Variants in TRAPPC12 observed in about 807,000 individuals in gnomAD.
TRAPPC12 encodes TPR repeat protein 15.
TRAPPC12 carries 61 observed loss-of-function variants against 69.2 expected under a neutral mutation model. That is an observed-to-expected ratio of 0.88 (90% CI 0.72 to 1.09). The LOEUF is 1.09. Among genes scored for constraint, TRAPPC12 ranks in the 50% least tolerant of loss-of-function variants. The probability of loss-of-function intolerance (pLI) is 0.00; values close to 1 mark genes in which losing one functional copy is unlikely to be tolerated. For synonymous variants in TRAPPC12, 469 were observed against 438.9 expected, an observed-to-expected ratio of 1.07 and a Z score of -0.86; for missense variants, 1,101 against 1,016.4, an observed-to-expected ratio of 1.08 and a Z score of -1.13.
At chr2:3,457,063 G>A (rs1009298436) in intron 6 of TRAPPC12, 1 of 462,100 alleles carries the variant, frequency 2.2e-6, no homozygotes, top group Non-Finnish European at 4.4e-6. Flanking sequence ...TGTCCCTGTG[G>A]GCGAACGGGA....
At chr2:3,427,661 T>G (rs1663184819) in intron 5 of TRAPPC12, among the ~76,000 whole-genome samples, 1 of 152,170 alleles carries the variant, frequency 6.6e-6, no homozygotes. Context: ...GCCGTGAAGA[T>G]CTCAAGATCT....
At chr2:3,433,700 G>A (rs1388668392) in intron 5 of TRAPPC12, among the ~76,000 whole-genome samples, 2 of 152,166 alleles carry the variant, frequency 1.3e-5, no homozygotes, top group African/African-American at 2.4e-5. Flanking sequence ...GCACAACAAG[G>A]GACGGTCTGA....
intron 5 of TRAPPC12, among the ~76,000 whole-genome samples, chr2:3,436,907 C>T (rs1369020268): frequency 7.5e-6 from 1 of 132,844 alleles, no homozygotes; most frequent in African/African-American, 2.9e-5. Flanking sequence ...ATCTCCCCAC[C>T]ACCCCTGGAT....
chr2:3,382,849 CAGA>C (rs1228031156), intron 1 of TRAPPC12, among the ~76,000 whole-genome samples: 2 of 152,178 alleles, frequency 1.3e-5, no homozygotes, highest in East Asian at 3.9e-4. Context: ...GGCTTGAGCC[CAGA>C]AGATCGAGGC....
chr2:3,397,469 G>C (rs1360603168), intron 2 of TRAPPC12, among the ~76,000 whole-genome samples: 2 of 152,180 alleles, frequency 1.3e-5, no homozygotes, highest in Non-Finnish European at 2.9e-5. Context: ...CTCTGGGCTT[G>C]TCAGCTCACA....
chr2:3,467,239 G>A (rs112362205), intron 9 of TRAPPC12, among the ~76,000 whole-genome samples: 1 of 152,278 alleles, frequency 6.6e-6, no homozygotes, highest in African/African-American at 2.4e-5. Context: ...AGGTGATAGC[G>A]GCGCTGTGGG....
chr2:3,479,050 A>T (rs1666427427), intron 11 of TRAPPC12, 117 bp downstream of exon 11: 2 of 1,478,786 alleles, frequency 1.4e-6, no homozygotes, highest in South Asian at 1.2e-5. Context: ...CACCAGCTCC[A>T]GGCAGTGGCT....
intron 2 of TRAPPC12, among the ~76,000 whole-genome samples, chr2:3,392,964 T>C (rs913891225): frequency 1.3e-5 from 2 of 152,100 alleles, no homozygotes; most frequent in Non-Finnish European, 2.9e-5. Context: ...CAGAGAAAAT[T>C]TGGTATGTAG....
At position 3,421,992 on chromosome 2, in the gene TRAPPC12, C is replaced by T. The variant is rs1444532392; in HGVS notation, c.1276C>T (p.Gln426Ter). 1 of 1,609,694 alleles carries T rather than the reference C, an allele frequency of 6.2e-7. No individual in the cohort carries two copies. Among genetic ancestry groups the T allele is most frequent in the Non-Finnish European group, 8.5e-7 (1 of 1,177,960 alleles). ...CACCAGCCACACGACAGATTCACTG[C>T]AGGTGAGAACACCTTTCAGGTGCTG... ...LLTSHTTDSLQLWFVRLALLV... is the reference protein window; with the variant it reads ...LLTSHTTDSL The change falls in exon 4 of 12, where the codon CAG becomes TAG. Residue 426 changes from glutamine to a stop codon, truncating the protein, a stop_gained and splice_region_variant. Coordinates refer to ENST00000324266, the MANE Select transcript of TRAPPC12 (RefSeq NM_016030.6). LOFTEE classifies it high-confidence loss of function.
rs116795388 is a variant in TRAPPC12 at position 3,471,875 on chromosome 2, C to T, written c.1777-5820C>T. ...TTGGACTGGGAAAGTAGCTGTGGTG[C>T]GCAGGTGCAAGTCCAGCAGCCAAGC... is the stretch of plus-strand genomic sequence containing the variant. On this transcript the variant is annotated intron_variant, in intron 9 of 11. Transcript: ENST00000324266. Among the ~76,000 whole-genome samples the T allele has an allele frequency of 5.8e-3, 885 of 152,088 alleles. 11 individuals carry two copies. Among genetic ancestry groups the T allele is most frequent in the African/African-American group, 0.02 (845 of 41,446 alleles).
At chr2:3,426,627 G>A (rs992165434) in intron 5 of TRAPPC12, among the ~76,000 whole-genome samples, 2 of 152,252 alleles carry the variant, frequency 1.3e-5, no homozygotes, top group Non-Finnish European at 2.9e-5. Context: ...TCTGTCCCCA[G>A]GAGTCTGGCT....
intron 5 of TRAPPC12, among the ~76,000 whole-genome samples, chr2:3,430,333 C>T (rs1483875289): frequency 6.6e-6 from 1 of 152,220 alleles, no homozygotes; most frequent in Non-Finnish European, 1.5e-5. Flanking sequence ...CCAGCCACAG[C>T]CTGTCAGTTT....
chr2:3,450,328 A>G (rs1026035399), intron 6 of TRAPPC12, among the ~76,000 whole-genome samples: 1 of 152,180 alleles, frequency 6.6e-6, no homozygotes, highest in Non-Finnish European at 1.5e-5. Flanking sequence ...TGTTCTGTCA[A>G]TCTGTGATCT....
chr2:3,433,680 C>T (rs565635209), intron 5 of TRAPPC12, among the ~76,000 whole-genome samples: 9 of 152,290 alleles, frequency 5.9e-5, no homozygotes, highest in East Asian at 1.9e-4. Flanking sequence ...AGTGGCAGCA[C>T]GGATTTTCAG....
At chr2:3,443,701 G>A (rs536317916) in intron 5 of TRAPPC12, 78 bp from the exon 6 acceptor site, 19 of 1,062,486 alleles carry the variant, frequency 1.8e-5, no homozygotes, top group Middle Eastern at 2.0e-4. Flanking sequence ...CATCTGCGAC[G>A]CCTCCTTCAA....
chr2:3,447,053 G>C (rs987299706), intron 6 of TRAPPC12, among the ~76,000 whole-genome samples: 8 of 151,896 alleles, frequency 5.3e-5, no homozygotes, highest in Non-Finnish European at 1.2e-4. Flanking sequence ...CCTGCAGGCT[G>C]TACAAGAAGC....
At position 3,443,803 on chromosome 2, in the gene TRAPPC12, G is replaced by A. The variant is rs749414227; in HGVS notation, c.1442G>A (p.Arg481His). ...GGCTCCATGGTCCCCTTCTCGATGC[G>A]CATCTTGCACGCGGAGCTTCAGCAG... ...RRGSMVPFSM[R>H]ILHAELQQYL... is the part of the protein sequence containing the mutation. The change falls in exon 6 of 12, where the codon CGC becomes CAC. Residue 481 changes from arginine (R) to histidine (H), a missense_variant. Physicochemically the swap from Arg to His is conservative, Grantham distance 29 (BLOSUM62 0). Coordinates refer to ENST00000324266, the MANE Select transcript of TRAPPC12 (RefSeq NM_016030.6). 6 of 1,613,920 alleles carry A rather than the reference G, an allele frequency of 3.7e-6. No individual in the cohort carries two copies. The South Asian group carries it at 4.4e-5, about 12-fold the overall frequency.
intron 3 of TRAPPC12, among the ~76,000 whole-genome samples, chr2:3,412,270 C>T (rs1243907301): frequency 1.3e-5 from 2 of 152,136 alleles, no homozygotes; most frequent in African/African-American, 2.4e-5. Context: ...CCATTAAGAT[C>T]AGGTTTGAGG....
intron 6 of TRAPPC12, among the ~76,000 whole-genome samples, chr2:3,454,357 C>G (rs1665016864): frequency 6.9e-6 from 1 of 144,960 alleles, no homozygotes; most frequent in African/African-American, 2.6e-5. Flanking sequence ...AGGGGTGTAG[C>G]CTGCCTGGTG....
Sources: allele counts gnomAD v4.1 joint callset (sites outside exome capture counted in the v4.1 genomes callset), GRCh38; gene constraint gnomAD v4.1.1; transcripts MANE v1.5; gene names NCBI Gene and HGNC (gene_info 2026-07-23, HGNC 2026-07-21).